Variants in SAMD5 observed in about 807,000 individuals in gnomAD.
SAMD5 encodes sterile alpha motif domain containing 5.
In SAMD5, 13 loss-of-function variants were observed where a neutral mutation model predicts 11.3. The observed-to-expected ratio is 1.15, with a 90% CI of 0.75 to 1.83. The LOEUF is 1.83. Ranked by LOEUF, SAMD5 falls within the 40% of genes most tolerant of loss-of-function variation. The pLI is 0.00. For synonymous variants in SAMD5, 129 were observed against 111.3 expected, an observed-to-expected ratio of 1.16 and a Z score of -1.00; for missense variants, 255 against 239.1, an observed-to-expected ratio of 1.07 and a Z score of -0.44.
At chr6:147,903,909 G>GAATAA in the SAMD5 span, among the ~76,000 whole-genome samples, 1 of 142,278 alleles carries the variant, frequency 7.0e-6, no homozygotes. Flanking sequence ...CTCCATCTTG[G>GAATAA]AAAAAAAAAA....
At chr6:147,598,021 C>T (rs1047997552) in intron 1 of SAMD5, among the ~76,000 whole-genome samples, 13 of 152,214 alleles carry the variant, frequency 8.5e-5, no homozygotes, top group African/African-American at 3.1e-4. Flanking sequence ...TGCAGGCCCT[C>T]CAGGCATTAC....
At chr6:147,625,327 A>T (rs1477384205) in intron 1 of SAMD5, among the ~76,000 whole-genome samples, 1 of 152,134 alleles carries the variant, frequency 6.6e-6, no homozygotes, top group East Asian at 1.9e-4. Flanking sequence ...TGTTAGGATC[A>T]CTCAGTATTA....
At chr6:147,687,145 A>T (rs1791023353) in intron 1 of SAMD5, among the ~76,000 whole-genome samples, 1 of 152,152 alleles carries the variant, frequency 6.6e-6, no homozygotes, top group South Asian at 2.1e-4. Context: ...TTTAAACCCT[A>T]CAAGGCATAA....
the SAMD5 span, among the ~76,000 whole-genome samples, chr6:147,929,243 C>T: frequency 6.6e-6 from 1 of 152,036 alleles, no homozygotes; most frequent in African/African-American, 2.4e-5. Flanking sequence ...GTCAGGTAGT[C>T]AAGATTTAAA....
the SAMD5 span, among the ~76,000 whole-genome samples, chr6:147,780,211 T>A: frequency 6.6e-6 from 1 of 152,114 alleles, no homozygotes; most frequent in African/African-American, 2.4e-5. Context: ...ATTCTTTTTT[T>A]TTTTTTTAAG....
At chr6:147,664,332 A>G (rs1196644960) in intron 1 of SAMD5, among the ~76,000 whole-genome samples, 1 of 152,158 alleles carries the variant, frequency 6.6e-6, no homozygotes, top group Non-Finnish European at 1.5e-5. Flanking sequence ...TGCTGACAGT[A>G]ATCATTATAA....
intron 1 of SAMD5, among the ~76,000 whole-genome samples, chr6:147,535,375 A>G (rs61179767): frequency 0.016 from 2,383 of 152,338 alleles, 34 homozygotes; most frequent in East Asian, 0.077. Context: ...GAGGAGTACA[A>G]ATTTCGATTT....
At chr6:147,682,074 C>T (rs1790948299) in intron 1 of SAMD5, among the ~76,000 whole-genome samples, 1 of 152,334 alleles carries the variant, frequency 6.6e-6, no homozygotes, top group East Asian at 1.9e-4. Context: ...GTGGCACTCT[C>T]CTGCCACCTT....
the SAMD5 span, among the ~76,000 whole-genome samples, chr6:147,892,668 A>C: frequency 6.6e-6 from 1 of 152,182 alleles, no homozygotes; most frequent in South Asian, 2.1e-4. Flanking sequence ...TAAAAAGGAA[A>C]TATTCGGAGA....
intron 1 of SAMD5, among the ~76,000 whole-genome samples, chr6:147,558,808 T>G (rs979365635): frequency 5.3e-5 from 8 of 151,904 alleles, no homozygotes; most frequent in Non-Finnish European, 1.0e-4. Flanking sequence ...AACTCCCACC[T>G]CATCTACTCC....
At chr6:147,911,234 G>A in the SAMD5 span, among the ~76,000 whole-genome samples, 1 of 152,178 alleles carries the variant, frequency 6.6e-6, no homozygotes, top group African/African-American at 2.4e-5. Flanking sequence ...GGATGGCTAC[G>A]TCAATGCTGT....
In SAMD5 at chr6:147,557,747, A is replaced by T. The variant is rs909701345; in HGVS notation, c.460-6647A>T. 3.9e-5 allele frequency among the ~76,000 whole-genome samples: 6 copies of T among 152,148 alleles called. No homozygotes were observed. In the South Asian group the frequency reaches 1.0e-3, roughly 26 times the overall value. On this transcript the variant is annotated intron_variant, in intron 1 of 1. Transcript: ENST00000367474. Reference sequence around the variant, plus strand: ...GTGGATGTGAATTTTGTGAGGGGGGACACTATTCAACCATTACAGTTTCCC... The same window carrying T: ...GTGGATGTGAATTTTGTGAGGGGGGTCACTATTCAACCATTACAGTTTCCC...
chr6:147,633,986 C>T (rs1003924960), intron 1 of SAMD5, among the ~76,000 whole-genome samples: 3 of 152,006 alleles, frequency 2.0e-5, no homozygotes, highest in Admixed American at 6.6e-5. Flanking sequence ...AGCTTCATTC[C>T]CACCCCCAAC....
the SAMD5 span, among the ~76,000 whole-genome samples, chr6:147,897,242 G>A: frequency 1.4e-3 from 218 of 152,286 alleles, 1 homozygote; most frequent in African/African-American, 5.1e-3. Context: ...TTCATTTGCA[G>A]GTTTAGACAC....
chr6:147,616,213 C>CATATATATTTATTAATATATAT (rs1562334314), intron 1 of SAMD5, among the ~76,000 whole-genome samples: 1 of 66,560 alleles, frequency 1.5e-5, no homozygotes. Context: ...TTCATATATA[C>CATATATATTTATTAATATATAT]TTCATATATA....
chr6:147,610,047 C>T (rs765589015), intron 1 of SAMD5, among the ~76,000 whole-genome samples: 4 of 152,126 alleles, frequency 2.6e-5, no homozygotes, highest in African/African-American at 4.8e-5. Context: ...ATGAAGATTG[C>T]ACATTATGCT....
intron 1 of SAMD5, among the ~76,000 whole-genome samples, chr6:147,615,151 C>G (rs1789846857): frequency 6.6e-6 from 1 of 151,150 alleles, no homozygotes; most frequent in Admixed American, 6.6e-5. Context: ...ATCTTGGAAC[C>G]AATCCCCCAC....
chr6:147,787,353 G>A, the SAMD5 span, among the ~76,000 whole-genome samples: 9 of 152,088 alleles, frequency 5.9e-5, no homozygotes, highest in African/African-American at 1.7e-4. Context: ...CGGTAGTCAC[G>A]GAGAGTTTTA....
At chr6:147,907,373 T>C in the SAMD5 span, among the ~76,000 whole-genome samples, 124 of 152,340 alleles carry the variant, frequency 8.1e-4, no homozygotes, top group Middle Eastern at 6.8e-3. Context: ...AATCTGCACA[T>C]ACGTTACAGG....
Sources: gnomAD v4.1 joint callset for allele counts (sites outside exome capture counted in the v4.1 genomes callset) on GRCh38, gnomAD v4.1.1 for gene constraint, MANE v1.5 for transcripts, NCBI Gene and HGNC (gene_info 2026-07-23, HGNC 2026-07-21) for gene names.